Variants in SPAG17 observed in about 807,000 individuals in gnomAD.
SPAG17 encodes sperm-associated antigen 17.
Under a neutral mutation model 273.6 loss-of-function variants are expected in SPAG17, and 169 were observed. That is an observed-to-expected ratio of 0.62 (90% CI 0.55 to 0.70). The LOEUF is 0.70. Ranked by LOEUF, SPAG17 falls within the 30% of genes least tolerant of loss-of-function variation. The probability of loss-of-function intolerance (pLI) is 0.00; values close to 1 mark genes in which losing one functional copy is unlikely to be tolerated. For synonymous variants in SPAG17, 825 were observed against 873.2 expected (o/e 0.94, Z 0.97); for missense variants, 2,557 against 2,627.8 (o/e 0.97, Z 0.59).
intron 47 of SPAG17, chr1:117,964,929 T>C (rs1653626874): frequency 6.6e-6 from 1 of 152,218 alleles, no homozygotes. Context: ...GTTTTGGATA[T>C]TGCAGTTTCA....
intron 28 of SPAG17, among the ~76,000 whole-genome samples, chr1:118,019,295 G>A (rs775329576): frequency 6.6e-6 from 1 of 151,738 alleles, no homozygotes; most frequent in Non-Finnish European, 1.5e-5. Context: ...CTAAAAAGAA[G>A]ACAGATTATA....
chr1:118,064,068 T>C (rs560647947), intron 18 of SPAG17, among the ~76,000 whole-genome samples: 3 of 152,132 alleles, frequency 2.0e-5, no homozygotes, highest in African/African-American at 7.2e-5. Context: ...ATGGCCATCA[T>C]TAAAAAGTCA....
chr1:118,151,925 C>A (rs940852130), intron 1 of SPAG17, among the ~76,000 whole-genome samples: 1 of 152,162 alleles, frequency 6.6e-6, no homozygotes, highest in African/African-American at 2.4e-5. Flanking sequence ...AAATATTACA[C>A]TTGGACATGA....
At chr1:118,028,463 AGC>A (rs1239480277) in intron 25 of SPAG17, 69 bp from the exon 26 acceptor site, 28 of 1,581,754 alleles carry the variant, frequency 1.8e-5, no homozygotes, top group Non-Finnish European at 2.4e-5. Flanking sequence ...ATTTTGACTA[AGC>A]CAGGATATGC....
At chr1:118,021,637 A>G (rs2101831935) in intron 28 of SPAG17, among the ~76,000 whole-genome samples, 1 of 152,340 alleles carries the variant, frequency 6.6e-6, no homozygotes, top group Non-Finnish European at 1.5e-5. Flanking sequence ...CTGTGAGCAG[A>G]GTAAACAGGA....
Position 118,150,586 on chromosome 1 carries a change from T to G in SPAG17, c.272A>C (p.Lys91Thr), listed in dbSNP as rs1480111473. ...NTLVGSASSK[K>T]AKKPVGGNAP... The stretch of plus-strand genomic sequence containing the variant: ...ATTACCACCTACAGGTTTTTTTGCC[T>G]TTTTAGATGAAGCAGATCCAACAAG... Residue 91 changes from lysine to threonine, a missense_variant, in exon 3 of 49, where the codon AAG (lysine) becomes ACG (threonine). Coordinates refer to ENST00000336338, the MANE Select transcript of SPAG17 (RefSeq NM_206996.4). 6.3e-7 allele frequency: 1 copy of G among 1,578,660 alleles called. No individual in the cohort carries two copies.
chr1:118,012,363 T>C lies in SPAG17; in HGVS notation c.4297A>G (p.Thr1433Ala), dbSNP rs570754375. The C allele has an allele frequency of 1.2e-6, 2 of 1,613,252 alleles. No individual in the cohort carries two copies. Among genetic ancestry groups the C allele is most frequent in the Admixed American group, 1.7e-5 (1 of 59,946 alleles). Residue 1433 changes from threonine (T) to alanine (A), a missense_variant, in exon 30 of 49, where the codon ACT (threonine) becomes GCT (alanine). Coordinates refer to ENST00000336338, the MANE Select transcript of SPAG17 (RefSeq NM_206996.4). ...ACTATGACAACTTTGTCTTCTCGAGTTGTCATAACCTGAACATGAAGAGGC... is the reference window on the plus strand; with the variant it reads ...ACTATGACAACTTTGTCTTCTCGAGCTGTCATAACCTGAACATGAAGAGGC... ...TDPVNGTVMT[T>A]REDKVVIVER...
intron 3 of SPAG17, among the ~76,000 whole-genome samples, chr1:118,132,969 CA>C (rs1658138845): frequency 6.6e-6 from 1 of 152,064 alleles, no homozygotes; most frequent in Non-Finnish European, 1.5e-5. Flanking sequence ...GATAGGGTTT[CA>C]CTATGTTGGC....
At chr1:118,007,463 G>A (rs1001287261) in intron 31 of SPAG17, among the ~76,000 whole-genome samples, 2 of 152,208 alleles carry the variant, frequency 1.3e-5, no homozygotes, top group African/African-American at 4.8e-5. Flanking sequence ...TAAAGGAACT[G>A]CATGCTGACA....
chr1:118,171,811 G>A (rs1284588173), intron 1 of SPAG17, among the ~76,000 whole-genome samples: 4 of 152,082 alleles, frequency 2.6e-5, no homozygotes, highest in East Asian at 1.9e-4. Context: ...CAAGGTCCAC[G>A]TAAAATGTTA....
chr1:118,068,622 G>A (rs1653229434), intron 17 of SPAG17, among the ~76,000 whole-genome samples: 2 of 151,940 alleles, frequency 1.3e-5, no homozygotes, highest in Admixed American at 1.3e-4. Context: ...ACTAATTGGT[G>A]CTTGTCTTTT....
chr1:118,030,081 A>G (rs570446365), intron 25 of SPAG17, among the ~76,000 whole-genome samples: 5 of 152,214 alleles, frequency 3.3e-5, no homozygotes, highest in Non-Finnish European at 7.3e-5. Flanking sequence ...TTTGCTAGCA[A>G]GATGCCTTTG....
intron 17 of SPAG17, among the ~76,000 whole-genome samples, chr1:118,069,344 CAAA>C (rs563980015): frequency 2.3e-5 from 2 of 86,174 alleles, no homozygotes; most frequent in Non-Finnish European, 2.2e-5. Flanking sequence ...GACTCCGTCT[CAAA>C]AAAAAAAAAA....
At chr1:118,079,536 T>C (rs1445223340) in intron 15 of SPAG17, among the ~76,000 whole-genome samples, 3 of 152,054 alleles carry the variant, frequency 2.0e-5, no homozygotes, top group Admixed American at 1.3e-4. Context: ...ACCAAGTTTT[T>C]GCATTTTTGT....
At chr1:118,081,770 G>A (rs1654597493) in intron 13 of SPAG17, 128 bp from the exon 14 acceptor site, 12 of 738,966 alleles carry the variant, frequency 1.6e-5, no homozygotes, top group South Asian at 1.8e-5. Flanking sequence ...TGGCTGTTGA[G>A]CTGATTTTAA....
At chr1:118,078,972 T>C (rs1654322793) in intron 15 of SPAG17, among the ~76,000 whole-genome samples, 1 of 152,056 alleles carries the variant, frequency 6.6e-6, no homozygotes, top group Non-Finnish European at 1.5e-5. Context: ...CTATGTTTTA[T>C]TTAGAATTTT....
chr1:118,146,175 T>C (rs1204280001), intron 3 of SPAG17, among the ~76,000 whole-genome samples: 2 of 152,242 alleles, frequency 1.3e-5, no homozygotes, highest in Non-Finnish European at 2.9e-5. Flanking sequence ...TTTGCACATT[T>C]ATCCCATAAA....
At chr1:117,970,942 C>T (rs1654480821) in intron 45 of SPAG17, among the ~76,000 whole-genome samples, 2 of 152,186 alleles carry the variant, frequency 1.3e-5, no homozygotes, top group Admixed American at 1.3e-4. Flanking sequence ...GGCCTGAGTT[C>T]CACATCAGAT....
At chr1:118,068,151 A>AATAT (rs1005363521) in intron 17 of SPAG17, among the ~76,000 whole-genome samples, 40 of 149,012 alleles carry the variant, frequency 2.7e-4, no homozygotes, top group African/African-American at 9.3e-4. Flanking sequence ...ATATATATAT[A>AATAT]ATATATATAT....
Sources: gnomAD v4.1 joint callset for allele counts (sites outside exome capture counted in the v4.1 genomes callset) on GRCh38, gnomAD v4.1.1 for gene constraint, MANE v1.5 for transcripts, NCBI Gene and HGNC (gene_info 2026-07-23, HGNC 2026-07-21) for gene names.